Variants in PSG2 observed in about 807,000 individuals in gnomAD.
PSG2 encodes the protein pregnancy-specific beta-1-glycoprotein 2.
A neutral mutation model predicts 36.2 loss-of-function variants in PSG2; 49 were observed. The ratio of observed to expected loss-of-function variants is 1.35; its 90% CI spans 1.08 to 1.72. PSG2 has a LOEUF of 1.72. Among genes scored for constraint, PSG2 ranks in the 40% most tolerant of loss-of-function variants. The pLI is 0.00. For missense variants in PSG2, 605 were observed against 407.2 expected (o/e 1.49, Z -4.18); for synonymous variants, 261 against 155.6 (o/e 1.68, Z -5.04).
chr19:43,070,389 TG>T (rs1333557573), intron 4 of PSG2, among the ~76,000 whole-genome samples: 3 of 151,704 alleles, frequency 2.0e-5, no homozygotes, highest in Non-Finnish European at 4.4e-5. Context: ...AACAAATATT[TG>T]TGCACTGATG....
At position 43,071,694 on chromosome 19, in the gene PSG2, A is replaced by C; in HGVS notation, c.964+6T>G. On this transcript the variant is annotated splice_donor_region_variant and intron_variant, in intron 4 of 5. Transcript: ENST00000406487. ...CCTACTGCCAAGGATGCTGGGATCCACTTACCAGAGACTTTGACTGTCAAC... is the reference window on the plus strand; with the variant it reads ...CCTACTGCCAAGGATGCTGGGATCCCCTTACCAGAGACTTTGACTGTCAAC... The C allele has an allele frequency of 2.5e-6, 4 of 1,612,970 alleles. No individual in the cohort carries two copies. Among genetic ancestry groups the C allele is most frequent in the Non-Finnish European group, 3.4e-6 (4 of 1,179,456 alleles).
At chr19:43,066,208 G>A (rs1368383901) in intron 5 of PSG2, among the ~76,000 whole-genome samples, 1 of 151,738 alleles carries the variant, frequency 6.6e-6, no homozygotes, top group Non-Finnish European at 1.5e-5. Context: ...TATGGGAATG[G>A]AGAGAATTAC....
rs908111663 is a variant in PSG2 at position 43,071,896 on chromosome 19, G to A, written c.768C>T (p.Asn256=). The A allele has an allele frequency of 6.2e-7, 1 of 1,612,698 alleles. No individual in the cohort carries two copies. The highest frequency in any genetic ancestry group is 1.7e-4 in the Middle Eastern group (1 of 6,058). ...AGTTCGCGAAGCAAGACAAGTAGAG[G>A]TTATCTCCTGAACGGTAATTGGTGT... The part of the protein sequence containing the change: ...PSYTNYRSGD[N]LYLSCFANSN... The change falls in exon 4 of 6, where the codon AAC becomes AAT. Residue 256 remains asparagine, a synonymous_variant. Coordinates refer to ENST00000406487, the MANE Select transcript of PSG2 (RefSeq NM_031246.4).
rs750379499 is a variant in PSG2, at chr19:43,080,962, C to T, written c.349G>A (p.Ala117Thr). The T allele has an allele frequency of 1.6e-5, 25 of 1,612,904 alleles. No individual in the cohort carries two copies. Among genetic ancestry groups the T allele is most frequent in the South Asian group, 1.1e-4 (10 of 91,036 alleles). Reference protein sequence around the residue: ...LLIQNVTREDAGSYTLHIIKR... With the variant: ...LLIQNVTREDTGSYTLHIIKR... Reference sequence around the variant, plus strand: ...ATGATGTGTAAGGTGTAGGATCCTGCGTCCTCCCGGGTGACATTCTGGATC... The same window carrying T: ...ATGATGTGTAAGGTGTAGGATCCTGTGTCCTCCCGGGTGACATTCTGGATC... Residue 117 changes from alanine (A) to threonine (T), a missense_variant, in exon 2 of 6, where the codon GCA (alanine) becomes ACA (threonine). Physicochemically the swap from Ala to Thr is moderately conservative, Grantham distance 58. Coordinates refer to ENST00000406487, the MANE Select transcript of PSG2 (RefSeq NM_031246.4).
intron 1 of PSG2, 25 bp downstream of exon 1, chr19:43,082,481 C>T: frequency 1.2e-6 from 2 of 1,606,802 alleles, no homozygotes; most frequent in Non-Finnish European, 1.7e-6. Flanking sequence ...TCCTCCTGTC[C>T]TCTCCCAGGA....
At chr19:43,072,916 C>T (rs1420489489) in intron 3 of PSG2, among the ~76,000 whole-genome samples, 3 of 151,748 alleles carry the variant, frequency 2.0e-5, no homozygotes, top group Non-Finnish European at 2.9e-5. Flanking sequence ...CAGTACCCCT[C>T]CCAGTCTCTC....
Position 43,071,762 on chromosome 19 carries a change from C to G in PSG2, c.902G>C (p.Cys301Ser). 1 of 1,612,844 alleles carries G rather than the reference C, an allele frequency of 6.2e-7. No individual in the cohort carries two copies. The highest frequency in any genetic ancestry group is 1.1e-5 in the South Asian group (1 of 91,032). Residue 301 changes from cysteine (C) to serine (S), a missense_variant, in exon 4 of 6, where the codon TGC becomes TCC. Coordinates refer to ENST00000406487, the MANE Select transcript of PSG2 (RefSeq NM_031246.4). ...ITTKHSGLYV[C>S]SVRNSATGEE... ...GCCAGTGGCTGAGTTACGAACAGAG[C>G]AAACATAGAGCCCGCTATGCTTTGT... is the stretch of plus-strand genomic sequence containing the variant.
rs189411701 is a variant in PSG2, at chr19:43,068,502, G to A, written c.965-1902C>T. Among the ~76,000 whole-genome samples, 55 of 148,748 alleles carry A rather than the reference G, an allele frequency of 3.7e-4. 1 individual carries two copies. Among genetic ancestry groups the A allele is most frequent in the South Asian group, 1.9e-3 (9 of 4,732 alleles). ...AGAAAGAAAGAAAGAAAAATGAAGC[G>A]ATTACTACCAATTCTAATAAAATAA... is the stretch of plus-strand genomic sequence containing the variant. On this transcript the variant is annotated intron_variant, in intron 4 of 5. Transcript: ENST00000406487.
intron 4 of PSG2, 95 bp downstream of exon 4, chr19:43,071,605 C>T: frequency 6.2e-7 from 1 of 1,610,842 alleles, no homozygotes; most frequent in Non-Finnish European, 8.5e-7. Flanking sequence ...CCATGGGACA[C>T]AGGCTGGGAA....
rs62111054 is a variant in PSG2 at position 43,066,859 on chromosome 19, G to A, written c.965-259C>T. ...TTGGAAGGCTTTCAGATGTGAGAAA[G>A]GCTGATTGCTATTTTCTATGTCATT... is the stretch of plus-strand genomic sequence containing the variant. On this transcript the variant is annotated intron_variant, in intron 4 of 5. Transcript: ENST00000406487. Among the ~76,000 whole-genome samples the A allele has an allele frequency of 2.0e-3, 300 of 151,358 alleles. 8 individuals carry two copies. The highest frequency in any genetic ancestry group is 3.4e-3 in the Middle Eastern group (1 of 292).
intron 1 of PSG2, chr19:43,081,956 T>C (rs1416105516): frequency 6.6e-6 from 1 of 152,640 alleles, no homozygotes; most frequent in Non-Finnish European, 1.5e-5. Flanking sequence ...TTTCAAAATG[T>C]GGCCCCTGAT....
At chr19:43,079,261 C>T (rs551779951) in intron 2 of PSG2, among the ~76,000 whole-genome samples, 1 of 151,468 alleles carries the variant, frequency 6.6e-6, no homozygotes, top group Non-Finnish European at 1.5e-5. Flanking sequence ...GACCAGCTGC[C>T]CCCAGTTCCA....
rs113964837 is a variant in PSG2, at chr19:43,065,254, G to A, written c.*41-653C>T. Among the ~76,000 whole-genome samples, 80 of 151,434 alleles carry A rather than the reference G, an allele frequency of 5.3e-4. 1 individual carries two copies. The highest frequency in any genetic ancestry group is 1.5e-3 in the South Asian group (7 of 4,776). On this transcript the variant is annotated intron_variant, in intron 5 of 5. Transcript: ENST00000406487. ...ATATATAAAATAAGGTGGCTTTTCC[G>A]TTCAGCTTCTGTTTCTCAAGAGGAT...
At chr19:43,067,371 T>C (rs1039442758) in intron 4 of PSG2, among the ~76,000 whole-genome samples, 1 of 151,322 alleles carries the variant, frequency 6.6e-6, no homozygotes, top group Non-Finnish European at 1.5e-5. Flanking sequence ...CTTGATTCTT[T>C]GCCCTTAGCT....
rs373774607 is a variant in PSG2 at position 43,075,659 on chromosome 19, C to T, written c.431-27G>A. 3.8e-6 allele frequency: 6 copies of T among 1,598,340 alleles called. 1 individual carries two copies. The East Asian group carries it at 6.7e-5, about 18-fold the overall frequency. On this transcript the variant is annotated intron_variant, in intron 2 of 5. Transcript: ENST00000406487. ...TGTGCAGAAAACAGAGAGAAGATTG[C>T]CCTGTGTGGCACCTTTGATTCCTCC...
chr19:43,074,065 A>G (rs1179394728), intron 3 of PSG2, among the ~76,000 whole-genome samples: 1 of 151,210 alleles, frequency 6.6e-6, no homozygotes, highest in African/African-American at 2.4e-5. Context: ...GCACTCGTTT[A>G]TTTTTTAAGG....
intron 3 of PSG2, chr19:43,072,244 C>G: frequency 2.6e-6 from 4 of 1,527,294 alleles, no homozygotes; most frequent in Non-Finnish European, 3.5e-6. Flanking sequence ...GCTTGGATGT[C>G]CAGAAGTAAA....
intron 3 of PSG2, chr19:43,072,569 A>G: frequency 1.2e-6 from 2 of 1,611,396 alleles, no homozygotes; most frequent in Admixed American, 1.7e-5. Flanking sequence ...GAAGGCTAAT[A>G]CATCCTTATT....
At chr19:43,075,709 G>T in intron 2 of PSG2, 77 bp from the exon 3 acceptor site, 2 of 1,549,220 alleles carry the variant, frequency 1.3e-6, no homozygotes, top group East Asian at 2.3e-5. Context: ...ATCAGAGTTG[G>T]CATTTCCCAC....
Sources: gnomAD v4.1 joint callset for allele counts (sites outside exome capture counted in the v4.1 genomes callset) on GRCh38, gnomAD v4.1.1 for gene constraint, MANE v1.5 for transcripts, NCBI Gene and HGNC (gene_info 2026-07-23, HGNC 2026-07-21) for gene names.